Variants in AREL1 observed in about 807,000 individuals in gnomAD.
AREL1 encodes the protein apoptosis-resistant E3 ubiquitin protein ligase 1.
AREL1 carries 62 observed loss-of-function variants against 99.0 expected under a neutral mutation model. The observed-to-expected ratio is 0.63, with a 90% CI of 0.51 to 0.77. AREL1 has a LOEUF of 0.77. Ranked by LOEUF, AREL1 falls within the 30% of genes least tolerant of loss-of-function variation. The probability of loss-of-function intolerance (pLI) is 0.00; values close to 1 mark genes in which losing one functional copy is unlikely to be tolerated. For synonymous variants in AREL1, 380 were observed against 376.5 expected (o/e 1.01, Z -0.11); for missense variants, 879 against 1,027.6 (o/e 0.86, Z 1.98).
intron 1 of AREL1, among the ~76,000 whole-genome samples, chr14:74,701,049 C>A (rs1201257026): frequency 1.3e-5 from 2 of 152,138 alleles, no homozygotes; most frequent in African/African-American, 4.8e-5. Flanking sequence ...TCATTAGTCA[C>A]ATTGGTTGAG....
rs142627701 is a variant in AREL1, at chr14:74,663,842, G to C, written c.2370-20C>G. 2.5e-4 allele frequency: 408 copies of C among 1,614,178 alleles called. No individual in the cohort carries two copies. Among genetic ancestry groups the C allele is most frequent in the Non-Finnish European group, 3.3e-4 (393 of 1,180,008 alleles). ...TTAAAACTGGAAGGGCAAGGGAGAA[G>C]TGATTAACTCATACCACCAAAAACA... On this transcript the variant is annotated intron_variant, in intron 19 of 19. Coordinates refer to ENST00000356357, the MANE Select transcript of AREL1 (RefSeq NM_001039479.2).
intron 1 of AREL1, among the ~76,000 whole-genome samples, chr14:74,707,096 A>G (rs938047908): frequency 6.6e-6 from 1 of 152,224 alleles, no homozygotes; most frequent in Non-Finnish European, 1.5e-5. Flanking sequence ...GGTCGGGCAC[A>G]GTGACTCATG....
intron 1 of AREL1, among the ~76,000 whole-genome samples, chr14:74,693,531 T>C (rs926296338): frequency 3.9e-5 from 6 of 152,204 alleles, no homozygotes; most frequent in Non-Finnish European, 8.8e-5. Flanking sequence ...AGTCTTACCA[T>C]ATGGCAGGAA....
intron 18 of AREL1, 40 bp downstream of exon 18, chr14:74,664,796 C>T: frequency 6.3e-7 from 1 of 1,581,630 alleles, no homozygotes; most frequent in South Asian, 1.1e-5. Context: ...TTCCTTATAA[C>T]ATGGCACAAA....
chr14:74,684,576 G>C lies in AREL1; in HGVS notation c.121C>G (p.Arg41Gly), dbSNP rs760449857. 8 of 1,613,996 alleles carry C rather than the reference G, an allele frequency of 5.0e-6. No individual in the cohort carries two copies. In the Admixed American group the frequency reaches 1.0e-4, roughly 20 times the overall value. Residue 41 changes from arginine to glycine, a missense_variant, in exon 4 of 20, where the codon CGA (arginine) becomes GGA (glycine). Arg to Gly is a moderately radical substitution (Grantham distance 125, BLOSUM62 -2). Coordinates refer to ENST00000356357, the MANE Select transcript of AREL1 (RefSeq NM_001039479.2). ...SFLQNEDRER[R>G]GDRTIYDYVR... ...TAGTCATAAATAGTCCGGTCCCCTC[G>C]GCGCTCGCGGTCCTCATTCTGGAGG...
At position 74,699,374 on chromosome 14, in the gene AREL1, TGTGAGA is replaced by T. The variant is rs781198013; in HGVS notation, c.-333-7052_-333-7047del. Among the ~76,000 whole-genome samples, 75 of 129,472 alleles carry T rather than the reference TGTGAGA, an allele frequency of 5.8e-4. No homozygotes were observed. The Middle Eastern group carries it at 0.011, about 19-fold the overall frequency. The allele number at this position is 129,472 out of a possible 152,430, so 84.9% of individuals were successfully genotyped here. A position where few individuals can be genotyped will look rare whatever the true frequency, so the allele number is the denominator to read the frequency against. ...GTGTGTGTGTGTGTGTGTGTGTGTG[TGTGAGA>T]GAGAGAGAGAGAGAGCAAGAGCAAG... On this transcript the variant is annotated intron_variant, in intron 1 of 19. Transcript: ENST00000356357.
chr14:74,681,123 C>A (rs1487955869), intron 5 of AREL1, among the ~76,000 whole-genome samples: 6 of 152,044 alleles, frequency 3.9e-5, no homozygotes, highest in Non-Finnish European at 8.8e-5. Context: ...CAGGTCAAGG[C>A]TACAGTGAGC....
Position 74,675,742 on chromosome 14 carries a change from T to C in AREL1, c.1037A>G (p.Lys346Arg). The C allele has an allele frequency of 1.9e-6, 3 of 1,614,142 alleles. No individual in the cohort carries two copies. Among genetic ancestry groups the C allele is most frequent in the Non-Finnish European group, 2.5e-6 (3 of 1,180,018 alleles). ...GTACACCTTCTTCGGTTTCTTCACC[T>C]TCTCAGGGGTGTGGCACTCAGAGGG... ...DSPSECHTPE[K>R]VKKPKKVYCY... Residue 346 changes from lysine (K) to arginine (R), a missense_variant, in exon 8 of 20, where the codon AAG (lysine) becomes AGG (arginine). Coordinates refer to ENST00000356357, the MANE Select transcript of AREL1 (RefSeq NM_001039479.2).
At chr14:74,668,839 A>G (rs1206963448) in intron 15 of AREL1, among the ~76,000 whole-genome samples, 2 of 152,232 alleles carry the variant, frequency 1.3e-5, no homozygotes, top group Non-Finnish European at 2.9e-5. Context: ...AAGCACATGC[A>G]TCGGAAATAT....
rs771440340 is a variant in AREL1, at chr14:74,675,777, A to C, written c.1002T>G (p.Asp334Glu). Residue 334 changes from aspartate (D) to glutamate (E), a missense_variant, in exon 8 of 20, where the codon GAT becomes GAG. Physicochemically the swap from Asp to Glu is conservative, Grantham distance 45. Coordinates refer to ENST00000356357, the MANE Select transcript of AREL1 (RefSeq NM_001039479.2). Reference sequence around the variant, plus strand: ...TGTGGCACTCAGAGGGCGAGTCTTCATCTTCCTCGTCAACAGCAGTGGATG... The same window carrying C: ...TGTGGCACTCAGAGGGCGAGTCTTCCTCTTCCTCGTCAACAGCAGTGGATG... The part of the protein sequence containing the change: ...RRPSTAVDEE[D>E]EDSPSECHTP... 1.9e-6 allele frequency: 3 copies of C among 1,614,160 alleles called. No individual in the cohort carries two copies. Among genetic ancestry groups the C allele is most frequent in the Admixed American group, 1.7e-5 (1 of 60,018 alleles).
At chr14:74,692,988 T>C (rs535736373) in intron 1 of AREL1, among the ~76,000 whole-genome samples, 4 of 152,248 alleles carry the variant, frequency 2.6e-5, no homozygotes, top group African/African-American at 9.6e-5. Context: ...GGATTACAGG[T>C]GTGAGTCCAT....
chr14:74,669,592 C>CCTG (rs1222947136), intron 15 of AREL1, 57 bp downstream of exon 15: 7 of 1,586,518 alleles, frequency 4.4e-6, no homozygotes, highest in Non-Finnish European at 6.0e-6. Context: ...CTTAGACAGT[C>CCTG]CTGCTCTACA....
chr14:74,677,078 C>G (rs1463922274), intron 5 of AREL1, among the ~76,000 whole-genome samples: 1 of 151,662 alleles, frequency 6.6e-6, no homozygotes, highest in Non-Finnish European at 1.5e-5. Context: ...GGATTACAGG[C>G]GTGAGCCACC....
intron 1 of AREL1, among the ~76,000 whole-genome samples, chr14:74,712,230 A>G (rs922073500): frequency 6.6e-6 from 1 of 152,134 alleles, no homozygotes; most frequent in Non-Finnish European, 1.5e-5. Context: ...AAAGAAGGTA[A>G]TATGAATAAA....
chr14:74,669,505 C>T lies in AREL1; in HGVS notation c.1914+144G>A. 4 of 1,050,494 alleles carry T rather than the reference C, an allele frequency of 3.8e-6. 1 individual carries two copies. Among genetic ancestry groups the T allele is most frequent in the South Asian group, 3.3e-5 (2 of 60,678 alleles). 65.1% of individuals were successfully genotyped at this position (1,050,494 alleles called of 1,614,324 possible). On this transcript the variant is annotated intron_variant, in intron 15 of 19. Transcript: ENST00000356357. ...TACATTAACTAAAATGAGAAGTTCA[C>T]TTATTATGTCACCCACATTTTGGGT...
At chr14:74,677,500 C>CTTTTT (rs58383006) in intron 5 of AREL1, among the ~76,000 whole-genome samples, 4 of 63,120 alleles carry the variant, frequency 6.3e-5, no homozygotes, top group Non-Finnish European at 1.2e-4. Flanking sequence ...TGTCTCTCTC[C>CTTTTT]TTTTTTTTTT....
intron 15 of AREL1, among the ~76,000 whole-genome samples, chr14:74,669,216 G>A (rs2089276010): frequency 6.6e-6 from 1 of 152,118 alleles, no homozygotes. Flanking sequence ...AAAATACCCA[G>A]GCATTGTGTT....
rs1203295969 is a variant in AREL1 at position 74,662,201 on chromosome 14, G to C, written c.*1519C>G. On this transcript the variant is annotated 3_prime_UTR_variant, in exon 20 of 20. Transcript: ENST00000356357. ...TGATGACTGCGAAAGACTGAGGTCAGGCAGGAACTGTAGCAGCTCAGGAGG... is the reference window on the plus strand; with the variant it reads ...TGATGACTGCGAAAGACTGAGGTCACGCAGGAACTGTAGCAGCTCAGGAGG... 1 of 181,288 alleles carries C rather than the reference G, an allele frequency of 5.5e-6. No homozygotes were observed. Among genetic ancestry groups the C allele is most frequent in the Non-Finnish European group, 1.1e-5 (1 of 87,356 alleles). The allele number at this position is 181,288 out of a possible 1,614,324, so 11.2% of individuals were successfully genotyped here. A position where few individuals can be genotyped will look rare whatever the true frequency, so the allele number is the denominator to read the frequency against.
intron 5 of AREL1, among the ~76,000 whole-genome samples, chr14:74,680,464 A>G (rs2089604894): frequency 6.6e-6 from 1 of 152,256 alleles, no homozygotes; most frequent in Non-Finnish European, 1.5e-5. Context: ...GTGGGAATGT[A>G]AAATGCTACA....
Sources: allele counts gnomAD v4.1 joint callset (sites outside exome capture counted in the v4.1 genomes callset), GRCh38; gene constraint gnomAD v4.1.1; transcripts MANE v1.5; gene names NCBI Gene and HGNC (gene_info 2026-07-23, HGNC 2026-07-21).